Variants in TMEM232 observed in about 807,000 individuals in gnomAD.
The protein encoded by TMEM232 is transmembrane protein 232.
In TMEM232, 80 loss-of-function variants were observed where a neutral mutation model predicts 78.8. The ratio of observed to expected loss-of-function variants is 1.01; its 90% CI spans 0.85 to 1.22. The LOEUF (loss-of-function observed/expected upper bound fraction) is 1.22, where lower values mean the gene tolerates loss of function less well. TMEM232 is among the 50% of genes most tolerant of loss of function. The pLI, the probability that TMEM232 is intolerant of heterozygous loss-of-function variation, is 0.00. For synonymous variants in TMEM232, 297 were observed against 254.3 expected, an observed-to-expected ratio of 1.17 and a Z score of -1.60; for missense variants, 881 against 742.2, an observed-to-expected ratio of 1.19 and a Z score of -2.17.
chr5:110,428,131 C>T lies in TMEM232; in HGVS notation c.1704-3215G>A, dbSNP rs76957994. On this transcript the variant is annotated intron_variant, in intron 12 of 13. Transcript: ENST00000455884. Reference sequence around the variant, plus strand: ...CCCATTAACCATTCCTACCTTTCCCCCAACCCCCTACTTTCCTTCCCAGCC... The same window carrying T: ...CCCATTAACCATTCCTACCTTTCCCTCAACCCCCTACTTTCCTTCCCAGCC... 3.8e-3 allele frequency among the ~76,000 whole-genome samples: 578 copies of T among 151,866 alleles called. 6 individuals carry two copies. The highest frequency in any genetic ancestry group is 0.013 in the African/African-American group (550 of 41,472).
At chr5:110,544,137 G>A (rs917520682) in intron 11 of TMEM232, among the ~76,000 whole-genome samples, 3 of 152,076 alleles carry the variant, frequency 2.0e-5, no homozygotes, top group African/African-American at 7.2e-5. Flanking sequence ...TGATGCCTAT[G>A]AAGATTATAA....
At position 110,504,586 on chromosome 5, in the gene TMEM232, T is replaced by G. The variant is rs1252816116; in HGVS notation, c.1703+24002A>C. Among the ~76,000 whole-genome samples, 3 of 152,140 alleles carry G rather than the reference T, an allele frequency of 2.0e-5. No individual in the cohort carries two copies. In the East Asian group the frequency reaches 5.8e-4, roughly 29 times the overall value. ...AGACCCAGGATTGCCAATGTATAGT[T>G]CCAGTCTGAAAGCTCACAGGCTGAA... On this transcript the variant is annotated intron_variant, in intron 12 of 13. Transcript: ENST00000455884.
chr5:110,502,857 A>C (rs1766423046), intron 12 of TMEM232, among the ~76,000 whole-genome samples: 1 of 152,126 alleles, frequency 6.6e-6, no homozygotes, highest in Non-Finnish European at 1.5e-5. Context: ...CCACTTAAAA[A>C]TCCTTTCCTC....
At chr5:110,443,114 G>T (rs1759249757) in intron 12 of TMEM232, among the ~76,000 whole-genome samples, 2 of 152,076 alleles carry the variant, frequency 1.3e-5, no homozygotes, top group Admixed American at 1.3e-4. Context: ...AAGGCCGTGG[G>T]GCTCTATGAT....
intron 12 of TMEM232, among the ~76,000 whole-genome samples, chr5:110,512,358 C>T (rs1767900347): frequency 6.6e-6 from 1 of 152,134 alleles, no homozygotes. Context: ...AACCAACATG[C>T]TAGAGTCACG....
At chr5:110,563,418 G>C (rs1581225884) in intron 11 of TMEM232, among the ~76,000 whole-genome samples, 1 of 151,788 alleles carries the variant, frequency 6.6e-6, no homozygotes, top group East Asian at 1.9e-4. Flanking sequence ...ATAAATTTGA[G>C]TTGACTTAGT....
At chr5:110,672,866 C>T (rs1791541865) in intron 1 of TMEM232, among the ~76,000 whole-genome samples, 2 of 152,024 alleles carry the variant, frequency 1.3e-5, no homozygotes, top group African/African-American at 4.8e-5. Flanking sequence ...TACAATAAGA[C>T]CACATTGCAT....
rs146117698 is a variant in TMEM232, at chr5:110,721,673, G to GTGTATATATATATATA, written c.-13+4953_-13+4954insTATATATATATATACA. Among the ~76,000 whole-genome samples, 17 of 35,484 alleles carry GTGTATATATATATATA rather than the reference G, an allele frequency of 4.8e-4. 3 individuals carry two copies. The highest frequency in any genetic ancestry group is 1.2e-3 in the South Asian group (1 of 828). 23.3% of individuals were successfully genotyped at this position (35,484 alleles called of 152,430 possible). A position where few individuals can be genotyped will look rare whatever the true frequency, so the allele number is the denominator to read the frequency against. ...GCATATCATGTGTGTGTGTGTGTGT[G>GTGTATATATATATATA]TATATATATATCTGTGTGTGTTAGT... On this transcript the variant is annotated intron_variant, in intron 1 of 13. Coordinates refer to ENST00000455884, the MANE Select transcript of TMEM232 (RefSeq NM_001039763.4).
At chr5:110,650,972 T>G (rs1788224174) in intron 2 of TMEM232, among the ~76,000 whole-genome samples, 1 of 152,092 alleles carries the variant, frequency 6.6e-6, no homozygotes, top group Non-Finnish European at 1.5e-5. Flanking sequence ...ATAAATGTAT[T>G]TTACAAAAAT....
chr5:110,390,801 G>C (rs930396078), intron 3 of TMEM232, among the ~76,000 whole-genome samples: 10 of 152,198 alleles, frequency 6.6e-5, no homozygotes, highest in Non-Finnish European at 1.5e-4. Context: ...ATGGTACTTT[G>C]GTGATTATAG....
chr5:110,685,803 T>G (rs1362169621), intron 1 of TMEM232, among the ~76,000 whole-genome samples: 1 of 152,128 alleles, frequency 6.6e-6, no homozygotes, highest in Non-Finnish European at 1.5e-5. Flanking sequence ...ATAGGATTAT[T>G]CTCAGTAACA....
At position 110,424,825 on chromosome 5, in the gene TMEM232, G is replaced by A; in HGVS notation, c.1795C>T (p.His599Tyr). 6.5e-7 allele frequency: 1 copy of A among 1,546,682 alleles called. No homozygotes were observed. The highest frequency in any genetic ancestry group is 8.7e-7 in the Non-Finnish European group (1 of 1,144,140). ...AGTTAAAAAAAAATCAATCTTACGT[G>A]ATGGTCAATGATTTTTGCCAACTCT... Reference protein sequence around the residue: ...DKELAKIIDHHWQEELKIREK... With the variant: ...DKELAKIIDHYWQEELKIREK... Residue 599 changes from histidine to tyrosine, a missense_variant and splice_region_variant, in exon 13 of 14, where the codon CAC becomes TAC. Transcript: ENST00000455884.
intron 2 of TMEM232, among the ~76,000 whole-genome samples, chr5:110,660,023 A>G (rs1789581748): frequency 6.6e-6 from 1 of 152,148 alleles, no homozygotes; most frequent in Non-Finnish European, 1.5e-5. Context: ...ATAATACCCA[A>G]TAATTTTTCA....
intron 2 of TMEM232, among the ~76,000 whole-genome samples, chr5:110,664,089 AC>A (rs1335342246): frequency 2.0e-5 from 3 of 152,088 alleles, no homozygotes; most frequent in Non-Finnish European, 4.4e-5. Context: ...GCAGTGAGCT[AC>A]GATTGTGCCA....
intron 13 of TMEM232, 92 bp downstream of exon 13, chr5:110,424,731 T>C (rs900245897): frequency 1.0e-6 from 1 of 988,312 alleles, no homozygotes; most frequent in Non-Finnish European, 1.5e-6. Flanking sequence ...ATTTCACATA[T>C]TAAGGTTTCA....
At chr5:110,587,946 C>T (rs940178535) in intron 10 of TMEM232, among the ~76,000 whole-genome samples, 2 of 150,306 alleles carry the variant, frequency 1.3e-5, no homozygotes, top group Non-Finnish European at 1.5e-5. Flanking sequence ...ATTGCTAACA[C>T]ATATATATAT....
At chr5:110,426,878 C>T (rs1012670556) in intron 12 of TMEM232, among the ~76,000 whole-genome samples, 8 of 151,940 alleles carry the variant, frequency 5.3e-5, no homozygotes, top group Non-Finnish European at 8.8e-5. Flanking sequence ...AAAACAGAAT[C>T]TTAAAATCAT....
At chr5:110,722,597 T>C (rs1283783756) in intron 1 of TMEM232, among the ~76,000 whole-genome samples, 1 of 152,166 alleles carries the variant, frequency 6.6e-6, no homozygotes, top group Non-Finnish European at 1.5e-5. Flanking sequence ...GAGAGAACAA[T>C]CCAAGAAACC....
At chr5:110,638,137 C>T in intron 5 of TMEM232, 61 bp downstream of exon 5, 1 of 1,259,548 alleles carries the variant, frequency 7.9e-7, no homozygotes, top group Non-Finnish European at 1.1e-6. Context: ...AAACAGATGT[C>T]ATGTTGTTAC....
Sources: allele counts gnomAD v4.1 joint callset (sites outside exome capture counted in the v4.1 genomes callset), GRCh38; gene constraint gnomAD v4.1.1; transcripts MANE v1.5; gene names NCBI Gene and HGNC (gene_info 2026-07-23, HGNC 2026-07-21).